Variants in MSRB2 observed in about 807,000 individuals in gnomAD.
MSRB2 encodes the protein methionine-R-sulfoxide reductase B2, mitochondrial.
Under a neutral mutation model 19.0 loss-of-function variants are expected in MSRB2, and 17 were observed. The observed-to-expected ratio is 0.89, with a 90% CI of 0.61 to 1.34. MSRB2 has a LOEUF of 1.34. MSRB2 is among the 40% of genes most tolerant of loss of function. The probability of loss-of-function intolerance (pLI) is 0.00; values close to 1 mark genes in which losing one functional copy is unlikely to be tolerated. For synonymous variants in MSRB2, 107 were observed against 99.7 expected (o/e 1.07, Z -0.44); for missense variants, 208 against 237.6 (o/e 0.88, Z 0.82).
At chr10:23,101,109 C>T (rs780934526) in intron 1 of MSRB2, among the ~76,000 whole-genome samples, 6 of 152,118 alleles carry the variant, frequency 3.9e-5, no homozygotes, top group African/African-American at 7.2e-5. Context: ...ACTCATCACC[C>T]GAGCAGTGTA....
At position 23,104,261 on chromosome 10, in the gene MSRB2, TAC is replaced by T; in HGVS notation, c.219+19_219+20del. 1 of 1,607,666 alleles carries T rather than the reference TAC, an allele frequency of 6.2e-7. No homozygotes were observed. The highest frequency in any genetic ancestry group is 8.5e-7 in the Non-Finnish European group (1 of 1,176,810). ...ACGGAACCGGTAAGCTAAGCTGGTT[TAC>T]AGTTTTCTGATTGCATGTGTTGGCA... On this transcript the variant is annotated intron_variant, in intron 2 of 4. Transcript: ENST00000376510.
chr10:23,104,697 G>A (rs1012156700), intron 2 of MSRB2, among the ~76,000 whole-genome samples: 1 of 152,058 alleles, frequency 6.6e-6, no homozygotes, highest in Non-Finnish European at 1.5e-5. Flanking sequence ...AGGTCCTAAC[G>A]GCCCCTGGCT....
Position 23,098,240 on chromosome 10 carries a change from G to A in MSRB2, c.118+2514G>A, listed in dbSNP as rs912400788. 2.0e-5 allele frequency among the ~76,000 whole-genome samples: 3 copies of A among 152,236 alleles called. No individual in the cohort carries two copies. In the South Asian group the frequency reaches 6.2e-4, roughly 32 times the overall value. ...AACACATTATTTATCAAAATGGAGT[G>A]GGCTTATGTGTGACAATTGGCAGTA... is the stretch of plus-strand genomic sequence containing the variant. On this transcript the variant is annotated intron_variant, in intron 1 of 4. Coordinates refer to ENST00000376510, the MANE Select transcript of MSRB2 (RefSeq NM_012228.4).
chr10:23,098,423 C>T, intron 1 of MSRB2, among the ~76,000 whole-genome samples: 1 of 152,150 alleles, frequency 6.6e-6, no homozygotes, highest in South Asian at 2.1e-4. Context: ...TCACAGCACA[C>T]AGAGAGAAGG....
intron 3 of MSRB2, among the ~76,000 whole-genome samples, chr10:23,115,829 GTTT>G: frequency 6.6e-6 from 1 of 152,214 alleles, no homozygotes; most frequent in Middle Eastern, 3.4e-3. Flanking sequence ...GCTTTAATGA[GTTT>G]TTATTAGCCT....
At chr10:23,117,922 G>A (rs529052295) in intron 3 of MSRB2, among the ~76,000 whole-genome samples, 43 of 152,218 alleles carry the variant, frequency 2.8e-4, no homozygotes, top group Non-Finnish European at 2.6e-4. Flanking sequence ...CAACATGCTA[G>A]TCAAAGGAAA....
intron 3 of MSRB2, among the ~76,000 whole-genome samples, chr10:23,113,961 T>G (rs1466161684): frequency 6.6e-6 from 1 of 152,208 alleles, no homozygotes; most frequent in Non-Finnish European, 1.5e-5. Flanking sequence ...CCTTGGAAAC[T>G]AATACTTAGA....
At chr10:23,116,015 G>C (rs1039081542) in intron 3 of MSRB2, among the ~76,000 whole-genome samples, 2 of 152,112 alleles carry the variant, frequency 1.3e-5, no homozygotes, top group Non-Finnish European at 2.9e-5. Context: ...ACCCCTGGAG[G>C]AGGGTTGCAA....
Position 23,098,078 on chromosome 10 carries a change from A to G in MSRB2, c.118+2352A>G, listed in dbSNP as rs550460156. Among the ~76,000 whole-genome samples, 7 of 152,328 alleles carry G rather than the reference A, an allele frequency of 4.6e-5. No homozygotes were observed. The South Asian group carries it at 1.4e-3, about 32-fold the overall frequency. On this transcript the variant is annotated intron_variant, in intron 1 of 4. Transcript: ENST00000376510. The stretch of plus-strand genomic sequence containing the variant: ...GTTGCTTCAGGAAAATATTCTTTCT[A>G]GAGATGACTATGCTAGGAAACTGTC...
chr10:23,108,379 C>G (rs903114372), intron 2 of MSRB2, among the ~76,000 whole-genome samples: 1 of 152,138 alleles, frequency 6.6e-6, no homozygotes, highest in Non-Finnish European at 1.5e-5. Context: ...CTGTCTGGAT[C>G]CTATGAAAAG....
intron 1 of MSRB2, among the ~76,000 whole-genome samples, chr10:23,099,320 C>T (rs1361116999): frequency 1.3e-5 from 2 of 152,194 alleles, no homozygotes; most frequent in African/African-American, 4.8e-5. Flanking sequence ...CTTGACTGAG[C>T]CTTCTAGGCT....
chr10:23,108,379 C>T (rs903114372), intron 2 of MSRB2, among the ~76,000 whole-genome samples: 5 of 152,138 alleles, frequency 3.3e-5, no homozygotes, highest in African/African-American at 1.2e-4. Context: ...CTGTCTGGAT[C>T]CTATGAAAAG....
chr10:23,111,003 C>A (rs748147814), intron 3 of MSRB2, among the ~76,000 whole-genome samples: 1 of 152,146 alleles, frequency 6.6e-6, no homozygotes, highest in Non-Finnish European at 1.5e-5. Context: ...GTTTTCCTTT[C>A]TTTTGCATCA....
Position 23,104,224 on chromosome 10 carries a change from A to G in MSRB2, c.199A>G (p.Arg67Gly). ...KLTPEQFYVT[R>G]EKGTEPPFSG... is the part of the protein sequence containing the mutation. ...AACCCCGGAGCAGTTCTACGTCACA[A>G]GAGAAAAGGGAACGGAACCGGTAAG... Residue 67 changes from arginine (R) to glycine (G), a missense_variant, in exon 2 of 5, where the codon AGA becomes GGA. Coordinates refer to ENST00000376510, the MANE Select transcript of MSRB2 (RefSeq NM_012228.4). 6.2e-7 allele frequency: 1 copy of G among 1,613,676 alleles called. No individual in the cohort carries two copies. The highest frequency in any genetic ancestry group is 8.5e-7 in the Non-Finnish European group (1 of 1,179,816).
intron 3 of MSRB2, among the ~76,000 whole-genome samples, chr10:23,117,731 C>T (rs1388397830): frequency 6.6e-6 from 1 of 152,166 alleles, no homozygotes; most frequent in African/African-American, 2.4e-5. Flanking sequence ...GCTAGGACTA[C>T]AGGCATGCAC....
At chr10:23,103,844 A>G (rs928246294) in intron 1 of MSRB2, among the ~76,000 whole-genome samples, 1 of 152,228 alleles carries the variant, frequency 6.6e-6, no homozygotes, top group Non-Finnish European at 1.5e-5. Flanking sequence ...ACCCTTAGGT[A>G]CCCGAAGGGA....
intron 1 of MSRB2, 62 bp from the exon 2 acceptor site, chr10:23,104,080 CAA>C: frequency 7.4e-7 from 1 of 1,358,472 alleles, no homozygotes; most frequent in South Asian, 1.3e-5. Context: ...GGAAAAAGGT[CAA>C]GGAAGAAAAG....
chr10:23,096,564 T>C (rs1298234833), intron 1 of MSRB2, among the ~76,000 whole-genome samples: 1 of 151,496 alleles, frequency 6.6e-6, no homozygotes, highest in Non-Finnish European at 1.5e-5. Flanking sequence ...TCCAATTTTA[T>C]ATGTGTTCAT....
intron 4 of MSRB2, 80 bp from the exon 5 acceptor site, chr10:23,120,678 T>C: frequency 1.8e-5 from 19 of 1,050,282 alleles, no homozygotes; most frequent in Non-Finnish European, 2.7e-5. Flanking sequence ...TGGAGTGATT[T>C]TGGGGGGGTT....
Sources: allele counts gnomAD v4.1 joint callset (sites outside exome capture counted in the v4.1 genomes callset), GRCh38; gene constraint gnomAD v4.1.1; transcripts MANE v1.5; gene names NCBI Gene and HGNC (gene_info 2026-07-23, HGNC 2026-07-21).